Variants in ARMC2 observed in about 807,000 individuals in gnomAD.
ARMC2 encodes armadillo repeat containing 2.
A neutral mutation model predicts 90.3 loss-of-function variants in ARMC2; 67 were observed. The observed-to-expected ratio is 0.74, with a 90% CI of 0.61 to 0.91. ARMC2 has a LOEUF of 0.91. ARMC2 is among the 40% of genes least tolerant of loss of function. The pLI is 0.00. For missense variants in ARMC2, 920 were observed against 1,030.9 expected (o/e 0.89, Z 1.47); for synonymous variants, 393 against 393.0 (o/e 1.00, Z 0.00).
chr6:108,996,975 A>G, the ARMC2 span, among the ~76,000 whole-genome samples: 2 of 148,688 alleles, frequency 1.3e-5, no homozygotes, highest in Non-Finnish European at 3.0e-5. Context: ...ACTATATAAC[A>G]TTCTGGAAAA....
chr6:108,902,886 G>A (rs114354030), intron 7 of ARMC2, among the ~76,000 whole-genome samples: 5,578 of 151,986 alleles, frequency 0.037, 306 homozygotes, highest in African/African-American at 0.11. Flanking sequence ...ATGACAATTA[G>A]TGTGGCTGCC....
chr6:108,883,911 T>C (rs1777828888), intron 5 of ARMC2, among the ~76,000 whole-genome samples: 1 of 152,210 alleles, frequency 6.6e-6, no homozygotes, highest in Non-Finnish European at 1.5e-5. Context: ...TCTGGAATGA[T>C]GTTGACCACA....
intron 8 of ARMC2, among the ~76,000 whole-genome samples, chr6:108,906,375 ACTTTT>A (rs1027154746): frequency 1.4e-4 from 22 of 152,320 alleles, no homozygotes; most frequent in African/African-American, 9.6e-5. Context: ...AACTTTTCTT[ACTTTT>A]CTTTAATTTG....
At chr6:108,989,403 A>C in the ARMC2 span, among the ~76,000 whole-genome samples, 1 of 149,522 alleles carries the variant, frequency 6.7e-6, no homozygotes, top group African/African-American at 2.4e-5. Flanking sequence ...CTATATATAG[A>C]TAGATATCTC....
downstream of ARMC2, among the ~76,000 whole-genome samples, chr6:108,974,943 C>T (rs1363547284): frequency 6.6e-6 from 1 of 151,936 alleles, no homozygotes; most frequent in Admixed American, 6.6e-5. Context: ...GGCATGGTTG[C>T]ACATGCCTGT....
intron 3 of ARMC2, among the ~76,000 whole-genome samples, chr6:108,866,692 T>TGGGTC (rs1328325361): frequency 6.6e-6 from 1 of 152,142 alleles, no homozygotes. Context: ...AACTAGTGAG[T>TGGGTC]GGGTCCTTCT....
Position 108,973,522 on chromosome 6 carries a change from C to T in ARMC2, c.*8C>T. The T allele has an allele frequency of 6.2e-7, 1 of 1,601,250 alleles. No homozygotes were observed. Among genetic ancestry groups the T allele is most frequent in the Non-Finnish European group, 8.5e-7 (1 of 1,172,652 alleles). On this transcript the variant is annotated 3_prime_UTR_variant, in exon 18 of 18. Transcript: ENST00000392644. ...CCCATTCCCTCTTTCTAACATGATG[C>T]AGATTAACAGTAGAAACGAGAACTC...
chr6:108,858,583 TTA>T (rs1252719371), intron 3 of ARMC2, among the ~76,000 whole-genome samples: 1 of 150,954 alleles, frequency 6.6e-6, no homozygotes, highest in African/African-American at 2.4e-5. Flanking sequence ...TTCTTAACAG[TTA>T]TATATACAAA....
intron 12 of ARMC2, among the ~76,000 whole-genome samples, chr6:108,943,296 C>T (rs1776584645): frequency 6.6e-6 from 1 of 152,038 alleles, no homozygotes; most frequent in African/African-American, 2.4e-5. Context: ...TCAAGTCCAT[C>T]GACAGGAGGG....
At chr6:108,958,772 G>C (rs1251327997) in intron 13 of ARMC2, among the ~76,000 whole-genome samples, 1 of 152,200 alleles carries the variant, frequency 6.6e-6, no homozygotes, top group South Asian at 2.1e-4. Flanking sequence ...CCCACTATGT[G>C]CCATGCACTC....
the ARMC2 span, among the ~76,000 whole-genome samples, chr6:109,020,966 T>C: frequency 0.1 from 15,522 of 152,228 alleles, 934 homozygotes; most frequent in Middle Eastern, 0.19. Flanking sequence ...TCATTATCAT[T>C]AATAATCTCC....
intron 12 of ARMC2, among the ~76,000 whole-genome samples, chr6:108,952,178 G>A (rs1286595994): frequency 6.6e-6 from 1 of 152,164 alleles, no homozygotes; most frequent in Non-Finnish European, 1.5e-5. Context: ...CACCTCCATT[G>A]ACACCCATGG....
chr6:108,932,764 G>A (rs1188346029), intron 11 of ARMC2, among the ~76,000 whole-genome samples: 1 of 151,882 alleles, frequency 6.6e-6, no homozygotes, highest in Non-Finnish European at 1.5e-5. Context: ...TCCTGACCTC[G>A]TGATCTGCCC....
At chr6:108,882,311 C>T (rs1410222671) in intron 5 of ARMC2, among the ~76,000 whole-genome samples, 1 of 151,758 alleles carries the variant, frequency 6.6e-6, no homozygotes, top group Non-Finnish European at 1.5e-5. Context: ...TAGTGACAGG[C>T]ACCTGTAGTC....
intron 12 of ARMC2, among the ~76,000 whole-genome samples, chr6:108,948,853 A>G (rs546642147): frequency 3.3e-5 from 5 of 152,094 alleles, no homozygotes; most frequent in Non-Finnish European, 5.9e-5. Context: ...GGTCATTTGA[A>G]TTTTGAAGAA....
At chr6:109,014,778 A>G in the ARMC2 span, among the ~76,000 whole-genome samples, 1 of 152,066 alleles carries the variant, frequency 6.6e-6, no homozygotes, top group Non-Finnish European at 1.5e-5. Flanking sequence ...TGTTCACTAC[A>G]TATCTCATCT....
chr6:108,924,626 CAG>C (rs1425196273), intron 10 of ARMC2, among the ~76,000 whole-genome samples: 45 of 152,184 alleles, frequency 3.0e-4, no homozygotes, highest in Admixed American at 1.6e-3. Context: ...TCATGTGGTG[CAG>C]AGTCTGAAAG....
chr6:108,950,478 A>G (rs930525692), intron 12 of ARMC2, among the ~76,000 whole-genome samples: 1 of 152,220 alleles, frequency 6.6e-6, no homozygotes, highest in Non-Finnish European at 1.5e-5. Context: ...TTGCAGAAAC[A>G]TGGATAGAGC....
chr6:108,919,738 G>A (rs369805414), intron 10 of ARMC2, among the ~76,000 whole-genome samples: 23 of 152,242 alleles, frequency 1.5e-4, no homozygotes, highest in African/African-American at 5.3e-4. Flanking sequence ...GAAGGTTTCT[G>A]TCACCTCAGA....
Sources: gnomAD v4.1 joint callset for allele counts (sites outside exome capture counted in the v4.1 genomes callset) on GRCh38, gnomAD v4.1.1 for gene constraint, MANE v1.5 for transcripts, NCBI Gene and HGNC (gene_info 2026-07-23, HGNC 2026-07-21) for gene names.